Variants in RFC1 observed in about 807,000 individuals in gnomAD.
The protein encoded by RFC1 is replication factor C subunit 1.
A neutral mutation model predicts 137.4 loss-of-function variants in RFC1; 37 were observed. The observed-to-expected ratio is 0.27, with a 90% CI of 0.21 to 0.35. The LOEUF is 0.35. Ranked by LOEUF, RFC1 falls within the 10% of genes least tolerant of loss-of-function variation. The probability of loss-of-function intolerance (pLI) is 1.00; values close to 1 mark genes in which losing one functional copy is unlikely to be tolerated. For synonymous variants in RFC1, 429 were observed against 455.7 expected (o/e 0.94, Z 0.75); for missense variants, 1,205 against 1,358.5 (o/e 0.89, Z 1.78).
At chr4:39,292,125 C>T (rs1005580353) in intron 22 of RFC1, 1 of 409,294 alleles carries the variant, frequency 2.4e-6, no homozygotes, top group African/African-American at 2.0e-5. Context: ...CCACCCTACT[C>T]TTAAGGCCCA....
chr4:39,311,981 C>T (rs1467597778), intron 11 of RFC1, among the ~76,000 whole-genome samples: 2 of 152,094 alleles, frequency 1.3e-5, no homozygotes, highest in Non-Finnish European at 2.9e-5. Context: ...TGGTCCAAGG[C>T]AACCAGAAAC....
At chr4:39,349,559 C>T (rs1245296952) in intron 2 of RFC1, among the ~76,000 whole-genome samples, 2 of 152,146 alleles carry the variant, frequency 1.3e-5, no homozygotes, top group Non-Finnish European at 2.9e-5. Context: ...AGGCCCTCAC[C>T]AGACACCTAA....
chr4:39,329,127 C>CAAAAAA lies in RFC1; in HGVS notation c.332-1377_332-1372dup, dbSNP rs71594924. 8.2e-4 allele frequency among the ~76,000 whole-genome samples: 26 copies of CAAAAAA among 31,660 alleles called. 3 individuals carry two copies. Among genetic ancestry groups the CAAAAAA allele is most frequent in the East Asian group, 7.7e-3 (3 of 390 alleles). The allele number at this position is 31,660 out of a possible 152,430, so 20.8% of individuals were successfully genotyped here. The stretch of plus-strand genomic sequence containing the variant: ...TAAATTTGTTTGCTTCAGTGACTCA[C>CAAAAAA]AAAAAAAAAAAAAAAAAAAAAAAAA... On this transcript the variant is annotated intron_variant, in intron 4 of 24. Coordinates refer to ENST00000349703, the MANE Select transcript of RFC1 (RefSeq NM_002913.5).
At chr4:39,346,657 A>C (rs1740877489) in intron 2 of RFC1, among the ~76,000 whole-genome samples, 1 of 152,238 alleles carries the variant, frequency 6.6e-6, no homozygotes, top group African/African-American at 2.4e-5. Flanking sequence ...CATTATAATA[A>C]AACTTCAAAA....
In RFC1 at chr4:39,312,938, AC is replaced by A. The variant is rs1404238263; in HGVS notation, c.1204-8del. The A allele has an allele frequency of 6.3e-7, 1 of 1,588,926 alleles. No individual in the cohort carries two copies. The highest frequency in any genetic ancestry group is 1.3e-5 in the African/African-American group (1 of 74,456). ...CCAAGCAATTTTCAGCTCCCTAAAA[AC>A]CAAAATGTTCAAGCAGAGAGGAAAT... On this transcript the variant is annotated splice_region_variant and splice_polypyrimidine_tract_variant and intron_variant, in intron 10 of 24. Transcript: ENST00000349703.
chr4:39,289,956 G>A lies in RFC1; in HGVS notation c.3252C>T (p.His1084=). The A allele has an allele frequency of 6.2e-7, 1 of 1,613,164 alleles. No individual in the cohort carries two copies. The highest frequency in any genetic ancestry group is 8.5e-7 in the Non-Finnish European group (1 of 1,179,184). Residue 1084 remains histidine, a synonymous_variant, in exon 24 of 25, where the codon CAC becomes CAT. Coordinates refer to ENST00000349703, the MANE Select transcript of RFC1 (RefSeq NM_002913.5). ...YSLQAIKASR[H]STSPSLDSEY... ...CCGAATCCAGGGATGGGCTTGTGCT[G>A]TGTCTAGATGCCTTTATAGCTTGAA...
chr4:39,355,098 T>C (rs61171640), intron 1 of RFC1, among the ~76,000 whole-genome samples: 14,253 of 85,680 alleles, frequency 0.17, 1,319 homozygotes, highest in Middle Eastern at 0.21. Context: ...AAAAAAAAAA[T>C]ACACACACAC....
intron 4 of RFC1, among the ~76,000 whole-genome samples, chr4:39,340,422 G>T (rs1171317509): frequency 4.6e-5 from 7 of 152,092 alleles, no homozygotes; most frequent in Non-Finnish European, 2.9e-5. Flanking sequence ...CACTTATTCT[G>T]TTTTATGGAA....
chr4:39,343,488 C>T (rs1437445357), intron 3 of RFC1, among the ~76,000 whole-genome samples: 1 of 152,170 alleles, frequency 6.6e-6, no homozygotes, highest in Non-Finnish European at 1.5e-5. Flanking sequence ...TCCCAGGGCA[C>T]TTAAATATAA....
intron 4 of RFC1, among the ~76,000 whole-genome samples, chr4:39,338,773 G>A (rs767205706): frequency 6.6e-6 from 1 of 152,060 alleles, no homozygotes; most frequent in Non-Finnish European, 1.5e-5. Flanking sequence ...TGTGGCAAGA[G>A]CAACTAAAAT....
intron 12 of RFC1, among the ~76,000 whole-genome samples, chr4:39,309,793 C>T (rs1336295758): frequency 6.6e-6 from 1 of 152,172 alleles, no homozygotes; most frequent in African/African-American, 2.4e-5. Context: ...GATTTGTATA[C>T]TTTATAAGGG....
intron 11 of RFC1, among the ~76,000 whole-genome samples, chr4:39,312,030 G>C (rs1232513921): frequency 6.6e-6 from 1 of 152,166 alleles, no homozygotes; most frequent in Admixed American, 6.5e-5. Flanking sequence ...GCTCTGAGTG[G>C]CCAGGTGACA....
intron 9 of RFC1, among the ~76,000 whole-genome samples, chr4:39,317,658 C>T (rs1216626782): frequency 6.6e-6 from 1 of 152,170 alleles, no homozygotes; most frequent in Non-Finnish European, 1.5e-5. Flanking sequence ...AACTATGCAT[C>T]CCTAGATCCA....
At chr4:39,346,567 T>C (rs1740871778) in intron 2 of RFC1, among the ~76,000 whole-genome samples, 1 of 151,982 alleles carries the variant, frequency 6.6e-6, no homozygotes, top group South Asian at 2.1e-4. Flanking sequence ...CATATTCAAA[T>C]TTTCTCAGAA....
chr4:39,311,505 C>T lies in RFC1; in HGVS notation c.1428G>A (p.Leu476=). Residue 476 remains leucine, a synonymous_variant, in exon 12 of 25, where the codon TTG becomes TTA. Coordinates refer to ENST00000349703, the MANE Select transcript of RFC1 (RefSeq NM_002913.5). The part of the protein sequence containing the change: ...GTKIIDEDGL[L]NLIRTMPGKK... ...TGCCTGGCATAGTCCGAATCAGATT[C>T]AACAGGCCATCTTCATCAATAATTT... The T allele has an allele frequency of 1.2e-6, 2 of 1,614,030 alleles. No individual in the cohort carries two copies. Among genetic ancestry groups the T allele is most frequent in the Admixed American group, 1.7e-5 (1 of 60,006 alleles).
chr4:39,316,849 G>C (rs1247935220), intron 10 of RFC1, 66 bp downstream of exon 10: 2 of 901,580 alleles, frequency 2.2e-6, no homozygotes, highest in African/African-American at 3.4e-5. Context: ...TAATCATCGT[G>C]AATACATACA....
At chr4:39,337,246 C>G (rs886476282) in intron 4 of RFC1, among the ~76,000 whole-genome samples, 3 of 152,012 alleles carry the variant, frequency 2.0e-5, no homozygotes, top group Non-Finnish European at 4.4e-5. Flanking sequence ...TGGCGGTGCA[C>G]GCCTGTAATC....
chr4:39,320,418 G>T lies in RFC1; in HGVS notation c.1060C>A (p.Pro354Thr), dbSNP rs1182173157. 2 of 1,562,512 alleles carry T rather than the reference G, an allele frequency of 1.3e-6. No homozygotes were observed. Among genetic ancestry groups the T allele is most frequent in the African/African-American group, 1.4e-5 (1 of 71,100 alleles). The stretch of plus-strand genomic sequence containing the variant: ...GCTGGAGAACTTTTGGTTTTCTTAG[G>T]AGTTTTTGTCTCTCCTTTCAATTTA... ...AIKLKGETKT[P>T]KKTKSSPAKK... The change falls in exon 9 of 25, where the codon CCT becomes ACT. Residue 354 changes from proline to threonine, a missense_variant. By Grantham distance (38) the Pro-to-Thr change is conservative. Around this residue, in one of 3 missense-constraint regions of RFC1, gnomAD observed 962 missense variants for 1,035.3 expected, o/e 0.93. Transcript: ENST00000349703.
At chr4:39,341,432 C>G (rs931327098) in intron 4 of RFC1, 6 of 359,240 alleles carry the variant, frequency 1.7e-5, no homozygotes, top group Non-Finnish European at 3.3e-5. Flanking sequence ...CTGCCCATAA[C>G]AAAGAAACGT....
Sources: allele counts gnomAD v4.1 joint callset (sites outside exome capture counted in the v4.1 genomes callset), GRCh38; gene constraint gnomAD v4.1.1; regional missense constraint gnomAD v4.1.1; transcripts MANE v1.5; gene names NCBI Gene and HGNC (gene_info 2026-07-23, HGNC 2026-07-21).